Variants in HSPA4L observed in about 807,000 individuals in gnomAD.
HSPA4L encodes heat shock 70 kDa protein 4L.
Under a neutral mutation model 100.3 loss-of-function variants are expected in HSPA4L, and 48 were observed. The ratio of observed to expected loss-of-function variants is 0.48; its 90% CI spans 0.38 to 0.61. HSPA4L has a LOEUF of 0.61. HSPA4L is among the 20% of genes least tolerant of loss of function. The probability of loss-of-function intolerance (pLI) is 0.00; values close to 1 mark genes in which losing one functional copy is unlikely to be tolerated. For missense variants in HSPA4L, 886 were observed against 988.6 expected (o/e 0.90, Z 1.39); for synonymous variants, 319 against 328.2 (o/e 0.97, Z 0.30).
At chr4:127,808,163 G>T (rs747887401) in intron 11 of HSPA4L, 34 bp downstream of exon 11, 2 of 1,551,492 alleles carry the variant, frequency 1.3e-6, no homozygotes, top group South Asian at 1.2e-5. Context: ...TAACATTTTG[G>T]CCTTTTATAA....
chr4:127,822,912 T>C lies in HSPA4L; in HGVS notation c.1938+18T>C, dbSNP rs778215358. 5.3e-5 allele frequency: 85 copies of C among 1,608,080 alleles called. No homozygotes were observed. Among genetic ancestry groups the C allele is most frequent in the Non-Finnish European group, 6.5e-5 (76 of 1,177,124 alleles). On this transcript the variant is annotated intron_variant, in intron 15 of 18. Transcript: ENST00000296464. Reference sequence around the variant, plus strand: ...CTCCAGAAGTAAGTCTAAATTCTGTTAATTTTTTGTGAGGACTATTTAAAG... The same window carrying C: ...CTCCAGAAGTAAGTCTAAATTCTGTCAATTTTTTGTGAGGACTATTTAAAG...
intron 12 of HSPA4L, chr4:127,813,027 A>G (rs1255811262): frequency 1.7e-5 from 16 of 928,852 alleles, no homozygotes; most frequent in East Asian, 7.2e-5. Context: ...CAGTTTTGCC[A>G]TGGTAACACT....
rs139697778 is a variant in HSPA4L at position 127,805,100 on chromosome 4, T to C, written c.1013T>C (p.Ile338Thr). 1.9e-6 allele frequency: 3 copies of C among 1,611,138 alleles called. No individual in the cohort carries two copies. The highest frequency in any genetic ancestry group is 1.3e-5 in the African/African-American group (1 of 74,902). Residue 338 changes from isoleucine (I) to threonine (T), a missense_variant, in exon 9 of 19, where the codon ATA (isoleucine) becomes ACA (threonine). Transcript: ENST00000296464. ...ANLQREDISSIEIVGGATRIP... is the reference protein window; with the variant it reads ...ANLQREDISSTEIVGGATRIP... ...TTACAACGTGAAGACATTAGTAGTA[T>C]AGAAATTGTAGGAGGAGCAACACGA...
intron 6 of HSPA4L, 148 bp downstream of exon 6, chr4:127,802,066 CT>C (rs1420752775): frequency 3.7e-6 from 2 of 547,422 alleles, no homozygotes; most frequent in African/African-American, 3.8e-5. Flanking sequence ...GTTTGTTTAT[CT>C]GAGAACAACA....
intron 18 of HSPA4L, among the ~76,000 whole-genome samples, chr4:127,831,853 T>C (rs898232449): frequency 7.9e-5 from 12 of 152,066 alleles, no homozygotes; most frequent in Non-Finnish European, 1.2e-4. Flanking sequence ...TGTGATTTTT[T>C]TTCTTTTTTT....
Position 127,832,995 on chromosome 4 carries a change from G to T in HSPA4L, c.*121G>T. 1.4e-6 allele frequency: 1 copy of T among 711,078 alleles called. No homozygotes were observed. The highest frequency in any genetic ancestry group is 2.9e-5 in the South Asian group (1 of 33,926). The allele number at this position is 711,078 out of a possible 1,614,324, so 44.0% of individuals were successfully genotyped here. A position where few individuals can be genotyped will look rare whatever the true frequency, so the allele number is the denominator to read the frequency against. Reference sequence around the variant, plus strand: ...TAACCACTTTTGTCATTTGTTTTTTGGAGTAGTTTTGAAAAGTGTTTTATA... The same window carrying T: ...TAACCACTTTTGTCATTTGTTTTTTTGAGTAGTTTTGAAAAGTGTTTTATA... On this transcript the variant is annotated 3_prime_UTR_variant, in exon 19 of 19. Coordinates refer to ENST00000296464, the MANE Select transcript of HSPA4L (RefSeq NM_014278.4).
Position 127,822,845 on chromosome 4 carries a change from A to AT in HSPA4L, c.1893dup (p.Arg632Ter). 6.2e-7 allele frequency: 1 copy of AT among 1,613,740 alleles called. No individual in the cohort carries two copies. The highest frequency in any genetic ancestry group is 8.5e-7 in the Non-Finnish European group (1 of 1,179,744). Reference sequence around the variant, plus strand: ...AATGCCGTTGAAGAATATGTATATGATTTTAGAGACAGGCTGGGCACTGTC... The same window carrying AT: ...AATGCCGTTGAAGAATATGTATATGATTTTTAGAGACAGGCTGGGCACTGTC... On this transcript the variant is annotated frameshift_variant, in exon 15 of 19. Transcript: ENST00000296464. LOFTEE classifies it high-confidence loss of function.
intron 10 of HSPA4L, 88 bp from the exon 11 acceptor site, chr4:127,807,908 A>T (rs1297803839): frequency 1.5e-6 from 2 of 1,311,594 alleles, no homozygotes; most frequent in East Asian, 2.4e-5. Context: ...AGTTGCTGCT[A>T]ATGAATTAAG....
rs556536131 is a variant in HSPA4L at position 127,793,418 on chromosome 4, G to A, written c.108-659G>A. 5.9e-4 allele frequency among the ~76,000 whole-genome samples: 89 copies of A among 151,972 alleles called. 1 individual carries two copies. Among genetic ancestry groups the A allele is most frequent in the Non-Finnish European group, 1.2e-3 (81 of 67,930 alleles). Reference sequence around the variant, plus strand: ...TATAAATGTTTGTTGATTGAATGTAGTTTTCTGTAGTTATAACTGAAATCA... The same window carrying A: ...TATAAATGTTTGTTGATTGAATGTAATTTTCTGTAGTTATAACTGAAATCA... On this transcript the variant is annotated intron_variant, in intron 1 of 18. Transcript: ENST00000296464.
intron 16 of HSPA4L, among the ~76,000 whole-genome samples, chr4:127,825,463 A>G (rs1733925957): frequency 6.6e-6 from 1 of 152,172 alleles, no homozygotes. Flanking sequence ...AAGGTGTGCA[A>G]AAGAAGTTAC....
Position 127,782,354 on chromosome 4 carries a change from G to A in HSPA4L, c.-197G>A, listed in dbSNP as rs539518449. The A allele has an allele frequency of 3.5e-6, 2 of 571,810 alleles. No individual in the cohort carries two copies. Among genetic ancestry groups the A allele is most frequent in the Admixed American group, 3.0e-5 (1 of 33,492 alleles). The allele number at this position is 571,810 out of a possible 1,614,324, so 35.4% of individuals were successfully genotyped here. ...AAAGACCCAGGCTGCGGGACGCGGT[G>A]CAGGCTGCGGCGCTGACGGCCTCTG... On this transcript the variant is annotated 5_prime_UTR_variant, in exon 1 of 19. Coordinates refer to ENST00000296464, the MANE Select transcript of HSPA4L (RefSeq NM_014278.4).
At position 127,837,372 on chromosome 4, in the gene HSPA4L, T is replaced by C. The variant is rs1578731341; in HGVS notation, c.*4498T>C. On this transcript the variant is annotated 3_prime_UTR_variant, in exon 19 of 19. Coordinates refer to ENST00000296464, the MANE Select transcript of HSPA4L (RefSeq NM_014278.4). ...AACTGTTAATGAGAGGCACAGCTAA[T>C]TGTACATATCAATATACATTTAAAA... The C allele has an allele frequency of 6.6e-6, 1 of 152,254 alleles. No individual in the cohort carries two copies. The highest frequency in any genetic ancestry group is 1.5e-5 in the Non-Finnish European group (1 of 68,038). 9.4% of individuals were successfully genotyped at this position (152,254 alleles called of 1,614,324 possible). A position where few individuals can be genotyped will look rare whatever the true frequency, so the allele number is the denominator to read the frequency against.
At chr4:127,827,564 C>CTT in intron 17 of HSPA4L, 140 bp downstream of exon 17, 23 of 779,286 alleles carry the variant, frequency 3.0e-5, no homozygotes, top group South Asian at 7.9e-5. Flanking sequence ...AAACTTAAAA[C>CTT]TTTTTTTTTT....
chr4:127,804,810 C>T (rs1040704954), intron 8 of HSPA4L, among the ~76,000 whole-genome samples: 1 of 152,040 alleles, frequency 6.6e-6, no homozygotes, highest in Non-Finnish European at 1.5e-5. Context: ...AATTGAAGGA[C>T]TCTGAAGAGC....
chr4:127,831,761 C>T (rs1197982725), intron 18 of HSPA4L, among the ~76,000 whole-genome samples: 1 of 151,802 alleles, frequency 6.6e-6, no homozygotes, highest in African/African-American at 2.4e-5. Flanking sequence ...GAAGGATATC[C>T]ACCAAAAGGT....
chr4:127,795,112 G>C lies in HSPA4L; in HGVS notation c.166-656G>C, dbSNP rs1578693302. Among the ~76,000 whole-genome samples, 4 of 151,982 alleles carry C rather than the reference G, an allele frequency of 2.6e-5. No homozygotes were observed. The South Asian group carries it at 8.3e-4, about 32-fold the overall frequency. Reference sequence around the variant, plus strand: ...ACATGAAGATTTTCACAAAGAATTAGATATGGAGAGGAAAAAAAAACCTAG... The same window carrying C: ...ACATGAAGATTTTCACAAAGAATTACATATGGAGAGGAAAAAAAAACCTAG... On this transcript the variant is annotated intron_variant, in intron 2 of 18. Coordinates refer to ENST00000296464, the MANE Select transcript of HSPA4L (RefSeq NM_014278.4).
chr4:127,816,422 A>G (rs1733672145), intron 12 of HSPA4L, among the ~76,000 whole-genome samples: 1 of 152,194 alleles, frequency 6.6e-6, no homozygotes, highest in South Asian at 2.1e-4. Flanking sequence ...ATAACATCTT[A>G]TATTTGCTGT....
chr4:127,799,485 AAGT>A (rs1447149009), intron 4 of HSPA4L, among the ~76,000 whole-genome samples: 13 of 152,182 alleles, frequency 8.5e-5, no homozygotes, highest in Non-Finnish European at 1.6e-4. Flanking sequence ...CAGATTCAAA[AAGT>A]AGGATACTGA....
intron 1 of HSPA4L, chr4:127,783,763 T>C: frequency 7.9e-7 from 1 of 1,260,044 alleles, no homozygotes; most frequent in African/African-American, 1.5e-5. Context: ...CAGTGTCCAA[T>C]GGTCTTTAAA....
Sources: gnomAD v4.1 joint callset for allele counts (sites outside exome capture counted in the v4.1 genomes callset) on GRCh38, gnomAD v4.1.1 for gene constraint, MANE v1.5 for transcripts, NCBI Gene and HGNC (gene_info 2026-07-23, HGNC 2026-07-21) for gene names.